Variants in WBP2NL observed in about 807,000 individuals in gnomAD.
The protein encoded by WBP2NL is postacrosomal sheath WW domain-binding protein.
WBP2NL carries 27 observed loss-of-function variants against 23.3 expected under a neutral mutation model. The observed-to-expected ratio is 1.16, with a 90% CI of 0.85 to 1.60. The LOEUF is 1.60. WBP2NL is among the 40% of genes most tolerant of loss of function. The pLI is 0.00. For synonymous variants in WBP2NL, 151 were observed against 145.9 expected, an observed-to-expected ratio of 1.03 and a Z score of -0.25; for missense variants, 370 against 389.5, an observed-to-expected ratio of 0.95 and a Z score of 0.42.
intron 5 of WBP2NL, among the ~76,000 whole-genome samples, chr22:42,023,659 T>A (rs1036542047): frequency 1.3e-5 from 2 of 149,574 alleles, no homozygotes; most frequent in African/African-American, 2.4e-5. Context: ...GCCCGGCTAA[T>A]TTTTTTTTTG....
At chr22:42,040,737 C>T (rs777370236) in intron 8 of WBP2NL, among the ~76,000 whole-genome samples, 39 of 152,046 alleles carry the variant, frequency 2.6e-4, no homozygotes, top group Admixed American at 1.4e-3. Flanking sequence ...TTTATGTTAC[C>T]GATTTCTAGT....
intron 8 of WBP2NL, among the ~76,000 whole-genome samples, chr22:42,054,720 A>G (rs1455302044): frequency 6.6e-6 from 1 of 151,832 alleles, no homozygotes; most frequent in Non-Finnish European, 1.5e-5. Context: ...CTTTGTAAAA[A>G]AAAAAAAAAA....
chr22:42,037,333 A>G (rs1281432542), downstream of WBP2NL, among the ~76,000 whole-genome samples: 1 of 152,082 alleles, frequency 6.6e-6, no homozygotes, highest in Non-Finnish European at 1.5e-5. Flanking sequence ...GCACCATACT[A>G]TTTTGGTGAT....
downstream of WBP2NL, chr22:42,030,716 A>G (rs930629191): frequency 5.3e-5 from 8 of 152,206 alleles, no homozygotes; most frequent in African/African-American, 1.9e-4. Flanking sequence ...CTTCCAAACT[A>G]CAGTACGTGG....
At chr22:42,005,805 T>C (rs1188325802) in intron 1 of WBP2NL, among the ~76,000 whole-genome samples, 2 of 152,198 alleles carry the variant, frequency 1.3e-5, no homozygotes, top group Non-Finnish European at 2.9e-5. Flanking sequence ...CTGAAGCATT[T>C]CTTCAAAGAA....
intron 1 of WBP2NL, among the ~76,000 whole-genome samples, chr22:42,018,061 A>G (rs1046250961): frequency 1.3e-5 from 2 of 151,644 alleles, no homozygotes; most frequent in Admixed American, 6.6e-5. Context: ...AGGCAGGAGA[A>G]TCGTTTGAAC....
chr22:42,023,830 T>TA (rs1157978491), intron 5 of WBP2NL, among the ~76,000 whole-genome samples: 1 of 151,998 alleles, frequency 6.6e-6, no homozygotes, highest in African/African-American at 2.4e-5. Flanking sequence ...ATTTTGTAGA[T>TA]ACAGGGTCTC....
intron 1 of WBP2NL, among the ~76,000 whole-genome samples, chr22:42,006,658 T>C (rs1165954831): frequency 6.6e-6 from 1 of 152,256 alleles, no homozygotes; most frequent in African/African-American, 2.4e-5. Context: ...ATGGACTAAA[T>C]GGCTTGTGTC....
At chr22:42,047,409 G>T (rs1296925449) in intron 8 of WBP2NL, among the ~76,000 whole-genome samples, 1 of 151,646 alleles carries the variant, frequency 6.6e-6, no homozygotes, top group African/African-American at 2.4e-5. Context: ...GGCCAACATG[G>T]TGAAACCCTG....
At chr22:42,023,338 G>A (rs559724927) in intron 5 of WBP2NL, among the ~76,000 whole-genome samples, 2 of 151,928 alleles carry the variant, frequency 1.3e-5, no homozygotes, top group Non-Finnish European at 1.5e-5. Context: ...GACCACAGGC[G>A]CAATCCACCA....
chr22:42,029,294 G>GAAA (rs953340569), downstream of WBP2NL, among the ~76,000 whole-genome samples: 2 of 81,976 alleles, frequency 2.4e-5, no homozygotes, highest in Non-Finnish European at 4.6e-5. Flanking sequence ...CTGTGTCTAG[G>GAAA]AAAAAAAAAA....
chr22:42,053,606 C>T (rs981351232), intron 8 of WBP2NL, among the ~76,000 whole-genome samples: 1 of 151,980 alleles, frequency 6.6e-6, no homozygotes. Flanking sequence ...ACTACAGGTG[C>T]ATGCCACCAT....
chr22:42,043,471 G>T (rs1925472794), intron 8 of WBP2NL, among the ~76,000 whole-genome samples: 1 of 152,176 alleles, frequency 6.6e-6, no homozygotes, highest in African/African-American at 2.4e-5. Context: ...TGTGGTGAAG[G>T]CGAGGACCAA....
intron 1 of WBP2NL, among the ~76,000 whole-genome samples, chr22:42,014,688 A>AT (rs1487857700): frequency 6.6e-6 from 1 of 152,058 alleles, no homozygotes; most frequent in Non-Finnish European, 1.5e-5. Flanking sequence ...CGTTATTCCC[A>AT]TTGACCTACT....
chr22:42,027,791 A>G lies in WBP2NL; in HGVS notation c.*610A>G. ...CAGAAGTTAAAAGATAGGCAACAGA[A>G]TAGGAAAAAGTGATTTTCAACATAT... is the stretch of plus-strand genomic sequence containing the variant. On this transcript the variant is annotated 3_prime_UTR_variant, in exon 6 of 6. Transcript: ENST00000328823. 2.5e-6 allele frequency: 1 copy of G among 395,056 alleles called. No individual in the cohort carries two copies. Among genetic ancestry groups the G allele is most frequent in the Non-Finnish European group, 4.5e-6 (1 of 224,334 alleles). 24.5% of individuals were successfully genotyped at this position (395,056 alleles called of 1,614,324 possible).
chr22:42,016,074 C>T (rs1307169433), intron 1 of WBP2NL, among the ~76,000 whole-genome samples: 8 of 151,920 alleles, frequency 5.3e-5, no homozygotes, highest in East Asian at 1.9e-4. Context: ...CTCTGCCTCC[C>T]GGGTTCAAGC....
intron 5 of WBP2NL, among the ~76,000 whole-genome samples, chr22:42,023,645 C>G (rs1056652876): frequency 6.6e-6 from 1 of 152,110 alleles, no homozygotes; most frequent in Non-Finnish European, 1.5e-5. Flanking sequence ...GCGCCCGCCA[C>G]CACGCCCGGC....
chr22:42,028,648 T>C (rs1045315136), downstream of WBP2NL, among the ~76,000 whole-genome samples: 4 of 152,262 alleles, frequency 2.6e-5, no homozygotes, highest in Admixed American at 2.6e-4. Context: ...TTGGCAATAT[T>C]GTTCTCCAAA....
chr22:42,011,636 T>TGA (rs986744915), intron 1 of WBP2NL, among the ~76,000 whole-genome samples: 1 of 152,168 alleles, frequency 6.6e-6, no homozygotes, highest in African/African-American at 2.4e-5. Context: ...TTCAGTGTGG[T>TGA]AGGTTGTGTT....
Sources: gnomAD v4.1 joint callset for allele counts (sites outside exome capture counted in the v4.1 genomes callset) on GRCh38, gnomAD v4.1.1 for gene constraint, MANE v1.5 for transcripts, NCBI Gene and HGNC (gene_info 2026-07-23, HGNC 2026-07-21) for gene names.